Variants in TOX3 observed in about 807,000 individuals in gnomAD.
TOX3 encodes the protein TOX high mobility group box family member 3.
A neutral mutation model predicts 64.3 loss-of-function variants in TOX3; 22 were observed. The observed-to-expected ratio is 0.34, with a 90% CI of 0.24 to 0.49. The LOEUF (loss-of-function observed/expected upper bound fraction) is 0.49. Among genes scored for constraint, TOX3 ranks in the 20% least tolerant of loss-of-function variants. The pLI is 0.99. For synonymous variants in TOX3, 291 were observed against 273.6 expected, an observed-to-expected ratio of 1.06 and a Z score of -0.63; for missense variants, 661 against 714.4, an observed-to-expected ratio of 0.93 and a Z score of 0.85.
At chr16:52,507,091 A>G (rs1281277580) in intron 1 of TOX3, among the ~76,000 whole-genome samples, 1 of 152,196 alleles carries the variant, frequency 6.6e-6, no homozygotes, top group Non-Finnish European at 1.5e-5. Flanking sequence ...ACTGGGGTAC[A>G]TGTACACCTA....
chr16:52,544,870 A>G (rs1963142395), intron 1 of TOX3, among the ~76,000 whole-genome samples: 1 of 152,186 alleles, frequency 6.6e-6, no homozygotes, highest in Non-Finnish European at 1.5e-5. Flanking sequence ...CATTTGTACA[A>G]TAGGTTTCTA....
chr16:52,505,021 G>A (rs1962124209), intron 1 of TOX3, among the ~76,000 whole-genome samples: 1 of 152,064 alleles, frequency 6.6e-6, no homozygotes, highest in Non-Finnish European at 1.5e-5. Flanking sequence ...TTTTAGTAGA[G>A]ACGGGTTTCA....
intron 6 of TOX3, among the ~76,000 whole-genome samples, chr16:52,442,243 G>C (rs915749208): frequency 6.6e-6 from 1 of 152,108 alleles, no homozygotes; most frequent in African/African-American, 2.4e-5. Flanking sequence ...TAGCAGAGTC[G>C]TATCTTAAGG....
intron 1 of TOX3, among the ~76,000 whole-genome samples, chr16:52,495,929 A>G (rs1180740970): frequency 6.6e-6 from 1 of 152,158 alleles, no homozygotes; most frequent in African/African-American, 2.4e-5. Flanking sequence ...ATCATCAACA[A>G]TTATCAAATA....
At chr16:52,449,486 G>A (rs192666465) in intron 4 of TOX3, among the ~76,000 whole-genome samples, 3 of 152,110 alleles carry the variant, frequency 2.0e-5, no homozygotes, top group Non-Finnish European at 4.4e-5. Flanking sequence ...AAGCAGAATC[G>A]ATTAGAATCT....
Position 52,439,520 on chromosome 16 carries a change from T to A in TOX3, c.1436A>T (p.Gln479Leu). ...MHQQIQQQMQQQHFQHHMQQH... is the reference protein window; with the variant it reads ...MHQQIQQQMQLQHFQHHMQQH... ...CTGCATGTGGTGCTGGAAATGCTGCTGCTGCATCTGCTGCTGGATTTGCTG... is the reference window on the plus strand; with the variant it reads ...CTGCATGTGGTGCTGGAAATGCTGCAGCTGCATCTGCTGCTGGATTTGCTG... The change falls in exon 7 of 7, where the codon CAG (glutamine) becomes CTG (leucine). Residue 479 changes from glutamine (Q) to leucine (L), a missense_variant. This residue lies in a region of TOX3 where 299 missense variants were observed against 292.1 expected (regional missense o/e 1.02). Transcript: ENST00000219746. The A allele has an allele frequency of 7.1e-7, 1 of 1,407,810 alleles. No individual in the cohort carries two copies. Among genetic ancestry groups the A allele is most frequent in the South Asian group, 1.2e-5 (1 of 82,078 alleles). 87.2% of individuals were successfully genotyped at this position (1,407,810 alleles called of 1,614,324 possible).
At chr16:52,448,068 T>C (rs919774100) in intron 4 of TOX3, among the ~76,000 whole-genome samples, 6 of 152,204 alleles carry the variant, frequency 3.9e-5, no homozygotes, top group African/African-American at 1.2e-4. Flanking sequence ...ATCATTATTA[T>C]TTTTTAAGAA....
intron 1 of TOX3, among the ~76,000 whole-genome samples, chr16:52,522,195 T>C (rs1176759967): frequency 1.3e-5 from 2 of 152,148 alleles, no homozygotes; most frequent in Admixed American, 6.5e-5. Flanking sequence ...ATAAAGACAA[T>C]TAATAACTAC....
intron 1 of TOX3, among the ~76,000 whole-genome samples, chr16:52,505,686 T>A (rs770350461): frequency 1.2e-4 from 18 of 151,942 alleles, no homozygotes; most frequent in Non-Finnish European, 2.2e-4. Flanking sequence ...GAATTAGGAA[T>A]CTCTAGAAGG....
intron 1 of TOX3, among the ~76,000 whole-genome samples, chr16:52,469,742 A>G (rs1960984740): frequency 6.6e-6 from 1 of 152,240 alleles, no homozygotes; most frequent in South Asian, 2.1e-4. Flanking sequence ...AGAGAGATAC[A>G]TAGATATGGA....
intron 5 of TOX3, chr16:52,445,222 T>C (rs1340890781): frequency 6.6e-6 from 1 of 152,242 alleles, no homozygotes; most frequent in Non-Finnish European, 1.5e-5. Flanking sequence ...AGTTCATGAT[T>C]TGTAAACAAA....
chr16:52,532,720 G>C lies in TOX3; in HGVS notation c.87+13917C>G, dbSNP rs375031774. Among the ~76,000 whole-genome samples the C allele has an allele frequency of 8.2e-4, 125 of 152,338 alleles. No individual in the cohort carries two copies. The South Asian group carries it at 0.025, about 31-fold the overall frequency. Reference sequence around the variant, plus strand: ...AAAACATACGAAGGCAAAACAGTAAGAGGTCAAGCTTTAGGAGGATATTCC... The same window carrying C: ...AAAACATACGAAGGCAAAACAGTAACAGGTCAAGCTTTAGGAGGATATTCC... On this transcript the variant is annotated intron_variant, in intron 1 of 6. Coordinates refer to ENST00000219746, the MANE Select transcript of TOX3 (RefSeq NM_001080430.4).
At chr16:52,529,177 T>A (rs1054378161) in intron 1 of TOX3, among the ~76,000 whole-genome samples, 2 of 152,254 alleles carry the variant, frequency 1.3e-5, no homozygotes, top group African/African-American at 4.8e-5. Flanking sequence ...TCAGAGAGTA[T>A]ACTAATTTTC....
At chr16:52,535,784 C>G (rs1463700587) in intron 1 of TOX3, among the ~76,000 whole-genome samples, 1 of 152,186 alleles carries the variant, frequency 6.6e-6, no homozygotes, top group African/African-American at 2.4e-5. Context: ...TCATCCCTGC[C>G]TAGGCAAAAT....
At chr16:52,540,383 A>T (rs965693183) in intron 1 of TOX3, among the ~76,000 whole-genome samples, 1 of 151,936 alleles carries the variant, frequency 6.6e-6, no homozygotes, top group Admixed American at 6.6e-5. Context: ...TGGGTGACAC[A>T]GCAAGACTCC....
intron 1 of TOX3, among the ~76,000 whole-genome samples, chr16:52,537,817 T>C (rs1368877740): frequency 6.9e-6 from 1 of 144,294 alleles, no homozygotes; most frequent in Non-Finnish European, 1.5e-5. Context: ...GCTGTGAGAA[T>C]GTAACTTGGA....
chr16:52,513,604 TA>T (rs964233212), intron 1 of TOX3, among the ~76,000 whole-genome samples: 3 of 152,152 alleles, frequency 2.0e-5, no homozygotes, highest in African/African-American at 7.2e-5. Flanking sequence ...CTTTCCAAAG[TA>T]AAAGTGACCT....
intron 1 of TOX3, among the ~76,000 whole-genome samples, chr16:52,504,433 C>T (rs1228330856): frequency 6.7e-6 from 1 of 148,430 alleles, no homozygotes; most frequent in East Asian, 2.0e-4. Flanking sequence ...TGTCACTGCA[C>T]TCCAGCCTAG....
At chr16:52,472,080 G>T (rs1030127290) in intron 1 of TOX3, among the ~76,000 whole-genome samples, 8 of 152,126 alleles carry the variant, frequency 5.3e-5, no homozygotes, top group Non-Finnish European at 1.2e-4. Context: ...CTCAAGAAAT[G>T]GTTCCATGGT....
Sources: gnomAD v4.1 joint callset for allele counts (sites outside exome capture counted in the v4.1 genomes callset) on GRCh38, gnomAD v4.1.1 for gene constraint, gnomAD v4.1.1 regional missense constraint, MANE v1.5 for transcripts, NCBI Gene and HGNC (gene_info 2026-07-23, HGNC 2026-07-21) for gene names.